The following CNTNAP2 variants were observed in gnomAD, a reference collection of about 807,000 sequenced individuals.
CNTNAP2 encodes contactin associated protein 2, also known as contactin-associated protein-like 2.
In CNTNAP2, 98 loss-of-function variants were observed where a neutral mutation model predicts 155.2. That is an observed-to-expected ratio of 0.63 (90% confidence interval 0.54 to 0.75). CNTNAP2 has a LOEUF of 0.75. Among genes scored for constraint, CNTNAP2 ranks in the 30% least tolerant of loss-of-function variants. The pLI, the probability that CNTNAP2 is intolerant of heterozygous loss-of-function variation, is 0.00. For missense variants in CNTNAP2, 1,727 were observed against 1,688.1 expected (o/e 1.02, Z -0.40); for synonymous variants, 651 against 631.2 (o/e 1.03, Z -0.47).
At position 148,221,166 on chromosome 7, in the gene CNTNAP2, C is replaced by T. The variant is rs143722766; in HGVS notation, c.3247+3642C>T. On this transcript the variant is annotated intron_variant, in intron 19 of 23. Coordinates refer to ENST00000361727, the MANE Select transcript of CNTNAP2 (RefSeq NM_014141.6). ...TGAGGACTTTCATTGTCTTCAAGGGCGTTGATCAATGGATTCTGTATTAAT... is the reference window on the plus strand; with the variant it reads ...TGAGGACTTTCATTGTCTTCAAGGGTGTTGATCAATGGATTCTGTATTAAT... 3.6e-3 allele frequency among the ~76,000 whole-genome samples: 550 copies of T among 152,276 alleles called. 5 individuals are homozygous for T. The highest frequency in any genetic ancestry group is 0.013 in the African/African-American group (524 of 41,560).
chr7:147,740,448 G>T (rs996617577), intron 13 of CNTNAP2, among the ~76,000 whole-genome samples: 5 of 152,154 alleles, frequency 3.3e-5, no homozygotes, highest in Admixed American at 2.0e-4. Flanking sequence ...CAAACCCACT[G>T]AGGCTTGGTG....
At chr7:146,866,773 CA>C (rs1795213276) in intron 3 of CNTNAP2, among the ~76,000 whole-genome samples, 1 of 151,976 alleles carries the variant, frequency 6.6e-6, no homozygotes, top group African/African-American at 2.4e-5. Flanking sequence ...GAGTTGGAAA[CA>C]TTTGTCTATC....
At chr7:148,107,110 C>T (rs1252616951) in intron 15 of CNTNAP2, among the ~76,000 whole-genome samples, 1 of 152,190 alleles carries the variant, frequency 6.6e-6, no homozygotes, top group East Asian at 1.9e-4. Context: ...AAACACACAA[C>T]TGTTTCAAAC....
At chr7:146,884,588 T>C (rs1795620050) in intron 3 of CNTNAP2, among the ~76,000 whole-genome samples, 1 of 152,020 alleles carries the variant, frequency 6.6e-6, no homozygotes, top group South Asian at 2.1e-4. Flanking sequence ...TTGAGGTAGA[T>C]GAGGTCCCAT....
chr7:146,454,515 T>C (rs1479381590), intron 1 of CNTNAP2, among the ~76,000 whole-genome samples: 1 of 152,020 alleles, frequency 6.6e-6, no homozygotes, highest in African/African-American at 2.4e-5. Flanking sequence ...TCCATTTACT[T>C]AATCCTGGGA....
At chr7:146,663,142 G>A (rs1314206634) in intron 1 of CNTNAP2, among the ~76,000 whole-genome samples, 3 of 151,840 alleles carry the variant, frequency 2.0e-5, no homozygotes, top group South Asian at 2.1e-4. Context: ...GCCGGCTGTG[G>A]TGGTGCATGC....
intron 6 of CNTNAP2, among the ~76,000 whole-genome samples, chr7:147,123,177 C>T (rs1421513536): frequency 1.3e-5 from 2 of 151,960 alleles, no homozygotes; most frequent in East Asian, 1.9e-4. Flanking sequence ...TGTGAACATC[C>T]CAGAAATTTC....
chr7:147,606,189 T>C (rs958064544), intron 12 of CNTNAP2, among the ~76,000 whole-genome samples: 3 of 152,228 alleles, frequency 2.0e-5, no homozygotes, highest in Admixed American at 2.0e-4. Context: ...GAAGCTTTAC[T>C]TTCTCACTTA....
intron 13 of CNTNAP2, among the ~76,000 whole-genome samples, chr7:147,663,994 C>T (rs1226842152): frequency 6.6e-6 from 1 of 152,110 alleles, no homozygotes; most frequent in Non-Finnish European, 1.5e-5. Flanking sequence ...AAACAAAGTT[C>T]AATTTTCTGT....
chr7:147,306,888 A>C (rs996193163), intron 9 of CNTNAP2, among the ~76,000 whole-genome samples: 2 of 152,220 alleles, frequency 1.3e-5, no homozygotes, highest in Non-Finnish European at 2.9e-5. Context: ...TGTAGATAGT[A>C]ATAATACTGG....
intron 1 of CNTNAP2, among the ~76,000 whole-genome samples, chr7:146,411,943 T>G (rs1207292470): frequency 1.3e-5 from 2 of 151,950 alleles, no homozygotes; most frequent in African/African-American, 4.8e-5. Flanking sequence ...TTCAAGTGAT[T>G]CTCCTGCCTC....
intron 1 of CNTNAP2, among the ~76,000 whole-genome samples, chr7:146,751,857 T>C (rs1159161119): frequency 6.6e-6 from 1 of 152,100 alleles, no homozygotes; most frequent in Non-Finnish European, 1.5e-5. Flanking sequence ...CTCCCACTTA[T>C]GAGTGACAAC....
intron 13 of CNTNAP2, among the ~76,000 whole-genome samples, chr7:147,898,237 A>G (rs574148700): frequency 3.9e-5 from 6 of 152,218 alleles, no homozygotes; most frequent in African/African-American, 1.4e-4. Flanking sequence ...TTCATCCTGG[A>G]CTCCAGTCCC....
At chr7:148,173,117 C>A (rs1794855340) in intron 18 of CNTNAP2, among the ~76,000 whole-genome samples, 1 of 152,172 alleles carries the variant, frequency 6.6e-6, no homozygotes, top group Non-Finnish European at 1.5e-5. Flanking sequence ...TTCCTTTAAT[C>A]CCCAGTAGAT....
In CNTNAP2 at chr7:147,658,022, C is replaced by T. The variant is rs889792162; in HGVS notation, c.2098+18716C>T. The stretch of plus-strand genomic sequence containing the variant: ...CTGTAATCCCAGCACTTTGGGAGGC[C>T]GAGGCGGGCGGATCACGAGGTCAGG... On this transcript the variant is annotated intron_variant, in intron 13 of 23. Transcript: ENST00000361727. 4.2e-5 allele frequency among the ~76,000 whole-genome samples: 5 copies of T among 118,246 alleles called. 1 individual carries two copies. Among genetic ancestry groups the T allele is most frequent in the African/African-American group, 1.1e-4 (4 of 35,714 alleles). 77.6% of individuals were successfully genotyped at this position (118,246 alleles called of 152,430 possible).
intron 10 of CNTNAP2, among the ~76,000 whole-genome samples, chr7:147,447,384 A>G (rs910643479): frequency 3.3e-5 from 5 of 152,160 alleles, no homozygotes; most frequent in Admixed American, 1.3e-4. Flanking sequence ...AGTGACTTCA[A>G]TATTTAAGGT....
chr7:147,326,219 T>C (rs1027908958), intron 9 of CNTNAP2, among the ~76,000 whole-genome samples: 4 of 152,198 alleles, frequency 2.6e-5, no homozygotes, highest in East Asian at 1.9e-4. Context: ...CCACTGCGCC[T>C]GGACACCAGC....
chr7:146,906,813 A>T (rs1796139501), intron 3 of CNTNAP2, among the ~76,000 whole-genome samples: 1 of 151,330 alleles, frequency 6.6e-6, no homozygotes, highest in South Asian at 2.1e-4. Context: ...AATGACTTTG[A>T]CGAGCTGAGA....
At chr7:148,246,220 G>T (rs1166685608) in intron 20 of CNTNAP2, among the ~76,000 whole-genome samples, 2 of 152,030 alleles carry the variant, frequency 1.3e-5, no homozygotes, top group African/African-American at 4.8e-5. Context: ...AAAACCTACT[G>T]GTAAAGTAAT....
Sources: allele counts gnomAD v4.1 joint callset (sites outside exome capture counted in the v4.1 genomes callset), GRCh38; gene constraint gnomAD v4.1.1; transcripts MANE v1.5; gene names NCBI Gene and HGNC (gene_info 2026-07-23, HGNC 2026-07-21).